CSMD2: variants seen among roughly 807,000 people sequenced by gnomAD.
The protein encoded by CSMD2 is CUB and Sushi multiple domains 2, also known as CUB and sushi domain-containing protein 2.
Under a neutral mutation model 398.5 loss-of-function variants are expected in CSMD2, and 130 were observed. That is an observed-to-expected ratio of 0.33 (90% confidence interval 0.28 to 0.38). The LOEUF is 0.38. CSMD2 is among the 10% of genes least tolerant of loss of function. The probability of loss-of-function intolerance (pLI) is 1.00; values close to 1 mark genes in which losing one functional copy is unlikely to be tolerated. For synonymous variants in CSMD2, 1,828 were observed against 1,908.5 expected, an observed-to-expected ratio of 0.96 and a Z score of 1.10; for missense variants, 3,829 against 4,764.9, an observed-to-expected ratio of 0.80 and a Z score of 5.78.
At chr1:34,144,698 T>C (rs2148535142) in intron 1 of CSMD2, among the ~76,000 whole-genome samples, 1 of 152,370 alleles carries the variant, frequency 6.6e-6, no homozygotes, top group Non-Finnish European at 1.5e-5. Flanking sequence ...TTGTGTTTTT[T>C]AGGCAGTTCA....
chr1:33,594,269 A>G (rs939422411), intron 44 of CSMD2, among the ~76,000 whole-genome samples: 1 of 152,220 alleles, frequency 6.6e-6, no homozygotes, highest in Non-Finnish European at 1.5e-5. Context: ...TAGAGTGGCA[A>G]TAATTGTAAA....
Position 33,624,052 on chromosome 1 carries a change from CTG to C in CSMD2, c.5625+465_5625+466del, listed in dbSNP as rs1641940297. Reference sequence around the variant, plus strand: ...CCCTAGGTGTGTGCCTGGGGGTTCTCTGTGCTTCAGCTGTGCTGGGTGCTTTG... The same window carrying C: ...CCCTAGGTGTGTGCCTGGGGGTTCTCTGCTTCAGCTGTGCTGGGTGCTTTG... On this transcript the variant is annotated intron_variant, in intron 35 of 70. Coordinates refer to ENST00000373381, the MANE Select transcript of CSMD2 (RefSeq NM_001281956.2). The surrounding 1 kb of genome is among the most constrained non-coding windows in gnomAD (Gnocchi z 4.7). 6.6e-6 allele frequency among the ~76,000 whole-genome samples: 1 copy of C among 152,214 alleles called. No individual in the cohort carries two copies.
At chr1:33,740,401 GA>G (rs201614543) in intron 14 of CSMD2, among the ~76,000 whole-genome samples, 55 of 151,698 alleles carry the variant, frequency 3.6e-4, no homozygotes, top group Non-Finnish European at 7.1e-4. Context: ...TGGGCCACTT[GA>G]AAAAAAAATT....
At chr1:33,825,650 A>T in intron 7 of CSMD2, 47 bp downstream of exon 7, 1 of 1,540,570 alleles carries the variant, frequency 6.5e-7, no homozygotes, top group Non-Finnish European at 9.0e-7. Flanking sequence ...TGCACGTGTG[A>T]CCTCAAGCAA....
Position 33,523,329 on chromosome 1 carries a change from T to C in CSMD2, c.10487A>G (p.Asp3496Gly). 1 of 1,574,514 alleles carries C rather than the reference T, an allele frequency of 6.4e-7. No individual in the cohort carries two copies. Reference protein sequence around the residue: ...VEIFMNKFKDDHWALDGHVSS... With the variant: ...VEIFMNKFKDGHWALDGHVSS... ...TACATGGCCATCTAAAGCCCAGTGA[T>C]CATCTTTGAACTTATTCATAAAGAT... Residue 3496 changes from aspartate to glycine, a missense_variant, in exon 67 of 71, where the codon GAT becomes GGT. Asp to Gly is a moderately conservative substitution (Grantham distance 94, BLOSUM62 -1). Transcript: ENST00000373381.
intron 22 of CSMD2, among the ~76,000 whole-genome samples, chr1:33,708,059 C>T (rs1394505047): frequency 1.3e-5 from 2 of 152,160 alleles, no homozygotes; most frequent in African/African-American, 4.8e-5. Context: ...ATAAATTCTC[C>T]ACGCTCAACT....
chr1:33,733,673 CAGG>C (rs1646792128), intron 15 of CSMD2, among the ~76,000 whole-genome samples: 1 of 152,126 alleles, frequency 6.6e-6, no homozygotes, highest in Non-Finnish European at 1.5e-5. Flanking sequence ...TAGTGAGTCG[CAGG>C]AGATTTGATG....
chr1:34,075,846 GGGCTGACACTGCATTATCTGGAA>G (rs1462795601), intron 2 of CSMD2, among the ~76,000 whole-genome samples: 1 of 152,174 alleles, frequency 6.6e-6, no homozygotes, highest in Non-Finnish European at 1.5e-5. Flanking sequence ...CATCCAGGCA[GGGCTGACACTGCATTATCTGGAA>G]GGCTCTTTGT....
Position 33,693,032 on chromosome 1 carries a change from C to A in CSMD2, c.3950G>T (p.Gly1317Val), listed in dbSNP as rs565895563. 47 of 1,601,830 alleles carry A rather than the reference C, an allele frequency of 2.9e-5. No individual in the cohort carries two copies. The East Asian group carries it at 1.0e-3, about 35-fold the overall frequency. ...TGACAGCACCTGCCCCGACACCTCT[C>A]CTCTCACTGTCCCTCCACACTCGGC... ...CVAECGGTVR[G>V]EVSGQVLSPG... Residue 1317 changes from glycine (G) to valine (V), a missense_variant, in exon 25 of 71, where the codon GGA becomes GTA. Coordinates refer to ENST00000373381, the MANE Select transcript of CSMD2 (RefSeq NM_001281956.2).
chr1:34,098,012 C>T (rs1659539538), intron 1 of CSMD2, among the ~76,000 whole-genome samples: 1 of 103,340 alleles, frequency 9.7e-6, no homozygotes, highest in Non-Finnish European at 1.9e-5. Flanking sequence ...TGGAACCAAC[C>T]CAAATGTCCA....
At chr1:34,061,075 C>T (rs938625543) in intron 2 of CSMD2, among the ~76,000 whole-genome samples, 1 of 152,212 alleles carries the variant, frequency 6.6e-6, no homozygotes, top group Non-Finnish European at 1.5e-5. Flanking sequence ...AAGCTTGCTC[C>T]ACCCCAACCC....
At chr1:33,884,035 C>T (rs1013288214) in intron 5 of CSMD2, among the ~76,000 whole-genome samples, 1 of 152,116 alleles carries the variant, frequency 6.6e-6, no homozygotes, top group African/African-American at 2.4e-5. Context: ...ATAGCAGACA[C>T]ACAGTGGACA....
At chr1:34,066,966 C>G (rs779820803) in intron 2 of CSMD2, among the ~76,000 whole-genome samples, 1 of 152,078 alleles carries the variant, frequency 6.6e-6, no homozygotes, top group African/African-American at 2.4e-5. Context: ...GGGACAGGAT[C>G]GATGGTATTG....
chr1:33,713,501 A>G (rs1275825749), intron 21 of CSMD2, among the ~76,000 whole-genome samples: 1 of 152,204 alleles, frequency 6.6e-6, no homozygotes, highest in Non-Finnish European at 1.5e-5. Flanking sequence ...ATAAGGATTG[A>G]GCAAACAGGC....
intron 9 of CSMD2, among the ~76,000 whole-genome samples, chr1:33,813,722 G>A (rs564361411): frequency 1.4e-4 from 21 of 152,124 alleles, no homozygotes; most frequent in African/African-American, 4.3e-4. Context: ...GAACTGCTCC[G>A]GGTGCAAGTG....
intron 62 of CSMD2, among the ~76,000 whole-genome samples, chr1:33,536,468 C>A (rs1020425956): frequency 7.9e-5 from 12 of 152,326 alleles, no homozygotes; most frequent in African/African-American, 2.6e-4. Context: ...CATGATCCAC[C>A]CGCCTTGGCT....
Position 33,792,661 on chromosome 1 carries a change from C to T in CSMD2, c.1447-135G>A, listed in dbSNP as rs1654466512. On this transcript the variant is annotated intron_variant, in intron 10 of 70. Transcript: ENST00000373381. ...GGTGACACCATCCTAAACAAACTGA[C>T]CATTTCTGTCCCACTTTAATGAGTG... is the stretch of plus-strand genomic sequence containing the variant. 19 of 652,778 alleles carry T rather than the reference C, an allele frequency of 2.9e-5. No individual in the cohort carries two copies. The South Asian group carries it at 3.0e-4, about 10-fold the overall frequency. The allele number at this position is 652,778 out of a possible 1,614,324, so 40.4% of individuals were successfully genotyped here.
At chr1:33,868,318 T>A (rs1470036506) in intron 5 of CSMD2, among the ~76,000 whole-genome samples, 3 of 152,184 alleles carry the variant, frequency 2.0e-5, no homozygotes, top group Non-Finnish European at 4.4e-5. Flanking sequence ...ATTTACTTAC[T>A]CATTCATTCA....
chr1:33,906,517 G>A (rs922074333), intron 5 of CSMD2, among the ~76,000 whole-genome samples: 4 of 152,228 alleles, frequency 2.6e-5, no homozygotes, highest in African/African-American at 7.2e-5. Flanking sequence ...GAAAGGTACA[G>A]TATATTGGGA....
Sources: gnomAD v4.1 joint callset for allele counts (sites outside exome capture counted in the v4.1 genomes callset) on GRCh38, gnomAD v4.1.1 for gene constraint, Gnocchi (gnomAD v3.1) non-coding constraint, MANE v1.5 for transcripts, NCBI Gene and HGNC (gene_info 2026-07-23, HGNC 2026-07-21) for gene names.